The following CD2AP variants were observed in gnomAD, a reference collection of about 807,000 sequenced individuals.
The protein encoded by CD2AP is CD2-associated protein.
In CD2AP, 46 loss-of-function variants were observed where a neutral mutation model predicts 85.1. That is an observed-to-expected ratio of 0.54 (90% CI 0.43 to 0.69). The LOEUF is 0.69. CD2AP is among the 30% of genes least tolerant of loss of function. The pLI is 0.00. For synonymous variants in CD2AP, 255 were observed against 252.9 expected, an observed-to-expected ratio of 1.01 and a Z score of -0.08; for missense variants, 769 against 729.5, an observed-to-expected ratio of 1.05 and a Z score of -0.62.
intron 12 of CD2AP, among the ~76,000 whole-genome samples, chr6:47,598,563 T>C (rs1769014717): frequency 2.0e-5 from 3 of 150,998 alleles, no homozygotes; most frequent in Admixed American, 2.0e-4. Flanking sequence ...CATGGAATAC[T>C]ACTCAGCCGT....
intron 1 of CD2AP, among the ~76,000 whole-genome samples, chr6:47,482,396 TG>T (rs1339674926): frequency 2.0e-5 from 3 of 150,332 alleles, no homozygotes; most frequent in African/African-American, 7.3e-5. Flanking sequence ...TTTTTTTTTT[TG>T]AGATGGAGTC....
chr6:47,495,825 C>T (rs1210690597), intron 1 of CD2AP, among the ~76,000 whole-genome samples: 1 of 152,114 alleles, frequency 6.6e-6, no homozygotes, highest in Non-Finnish European at 1.5e-5. Flanking sequence ...CAATTTTTGG[C>T]GTTTTTATGC....
intron 1 of CD2AP, among the ~76,000 whole-genome samples, chr6:47,479,791 T>C (rs1362533942): frequency 6.6e-6 from 1 of 152,188 alleles, no homozygotes; most frequent in Admixed American, 6.5e-5. Context: ...CTAAATAATA[T>C]TTGTTCGCAT....
Position 47,517,003 on chromosome 6 carries a change from G to A in CD2AP, c.165+13563G>A, listed in dbSNP as rs144024088. Reference sequence around the variant, plus strand: ...TGTGATTCCTAATATGGGAGGTGGGGCCTGGTGGGAGGTGATTGACCCATG... The same window carrying A: ...TGTGATTCCTAATATGGGAGGTGGGACCTGGTGGGAGGTGATTGACCCATG... On this transcript the variant is annotated intron_variant, in intron 2 of 17. Coordinates refer to ENST00000359314, the MANE Select transcript of CD2AP (RefSeq NM_012120.3). Among the ~76,000 whole-genome samples the A allele has an allele frequency of 3.9e-5, 6 of 152,278 alleles. No homozygotes were observed. The East Asian group carries it at 1.2e-3, about 29-fold the overall frequency.
intron 1 of CD2AP, among the ~76,000 whole-genome samples, chr6:47,492,347 C>CATTTTTTTTTT (rs1554167732): frequency 1.0e-5 from 1 of 95,522 alleles, no homozygotes; most frequent in Non-Finnish European, 1.9e-5. Flanking sequence ...CACCTGTAAT[C>CATTTTTTTTTT]TTTTTTTTTT....
intron 2 of CD2AP, among the ~76,000 whole-genome samples, chr6:47,520,201 C>G (rs1766549753): frequency 6.6e-6 from 1 of 152,024 alleles, no homozygotes; most frequent in Non-Finnish European, 1.5e-5. Flanking sequence ...GGGGATAAAG[C>G]AGACATCTCT....
chr6:47,532,390 C>T (rs1295333744), intron 2 of CD2AP, among the ~76,000 whole-genome samples: 1 of 24,432 alleles, frequency 4.1e-5, no homozygotes, highest in African/African-American at 1.1e-4. Context: ...CACACACACA[C>T]ACACACACAC....
Position 47,595,919 on chromosome 6 carries a change from C to T in CD2AP, c.1167C>T (p.Pro389=), listed in dbSNP as rs201673149. The change falls in exon 12 of 18, where the codon CCC becomes CCT. Residue 389 remains proline (P), a synonymous_variant. Coordinates refer to ENST00000359314, the MANE Select transcript of CD2AP (RefSeq NM_012120.3). ...AACCAGCAGCTCCACAAGTCCCACC[C>T]AAGAAACCTACTCCACCTACCAAAG... is the stretch of plus-strand genomic sequence containing the variant. The part of the protein sequence containing the change: ...PSKPAAPQVP[P]KKPTPPTKAS... 2.5e-6 allele frequency: 4 copies of T among 1,612,626 alleles called. No homozygotes were observed. The highest frequency in any genetic ancestry group is 1.3e-5 in the African/African-American group (1 of 74,948).
chr6:47,578,222 A>G (rs1398155479), intron 8 of CD2AP, among the ~76,000 whole-genome samples: 1 of 152,166 alleles, frequency 6.6e-6, no homozygotes, highest in Non-Finnish European at 1.5e-5. Flanking sequence ...AAAATTAAAG[A>G]CAAGGTCTAG....
At chr6:47,514,416 A>AT (rs1012258013) in intron 2 of CD2AP, among the ~76,000 whole-genome samples, 4 of 152,216 alleles carry the variant, frequency 2.6e-5, no homozygotes, top group Non-Finnish European at 5.9e-5. Flanking sequence ...CTTAACTTCA[A>AT]TGTTTTAGAC....
At chr6:47,573,903 A>G (rs929906606) in intron 5 of CD2AP, among the ~76,000 whole-genome samples, 161 bp from the exon 6 acceptor site, 7 of 152,232 alleles carry the variant, frequency 4.6e-5, no homozygotes, top group Non-Finnish European at 1.0e-4. Context: ...TGTAAATTGC[A>G]TAAATTGCAT....
At chr6:47,523,369 A>G (rs1016152644) in intron 2 of CD2AP, among the ~76,000 whole-genome samples, 6 of 152,146 alleles carry the variant, frequency 3.9e-5, no homozygotes, top group Non-Finnish European at 7.4e-5. Context: ...TCATTTCACT[A>G]TCTACACATA....
chr6:47,478,581 C>T (rs887556680), intron 1 of CD2AP, among the ~76,000 whole-genome samples: 3 of 152,200 alleles, frequency 2.0e-5, no homozygotes, highest in African/African-American at 7.2e-5. Flanking sequence ...CCTTCCTTCC[C>T]TTCCTCATCC....
At position 47,554,651 on chromosome 6, in the gene CD2AP, A is replaced by G; in HGVS notation, c.426A>G (p.Glu142=). 4 of 1,613,732 alleles carry G rather than the reference A, an allele frequency of 2.5e-6. No homozygotes were observed. Among genetic ancestry groups the G allele is most frequent in the African/African-American group, 1.3e-5 (1 of 75,030 alleles). ...GDIIDINEEV[E]EGWWSGTLNN... ...TGAATTGTGAACTTTTTCAGGTAGA[A>G]GAAGGCTGGTGGAGTGGAACCCTGA... The change falls in exon 5 of 18, where the codon GAA becomes GAG. Residue 142 remains glutamate (E), a synonymous_variant. Coordinates refer to ENST00000359314, the MANE Select transcript of CD2AP (RefSeq NM_012120.3).
At chr6:47,556,936 C>T (rs939361456) in intron 5 of CD2AP, among the ~76,000 whole-genome samples, 10 of 152,238 alleles carry the variant, frequency 6.6e-5, no homozygotes, top group Non-Finnish European at 8.8e-5. Flanking sequence ...TTTACACTCC[C>T]GTGAACAGTG....
At chr6:47,595,726 C>G in intron 11 of CD2AP, 135 bp from the exon 12 acceptor site, 1 of 661,448 alleles carries the variant, frequency 1.5e-6, no homozygotes, top group Non-Finnish European at 2.7e-6. Flanking sequence ...AAACAGTGCA[C>G]ATGTATACAA....
intron 11 of CD2AP, among the ~76,000 whole-genome samples, chr6:47,590,800 C>G (rs189800397): frequency 5.3e-4 from 80 of 152,064 alleles, no homozygotes; most frequent in African/African-American, 1.7e-3. Flanking sequence ...CAATGTTTTT[C>G]AATTTTCTAA....
rs886061517 is a variant in CD2AP at position 47,478,236 on chromosome 6, G to GC, written c.-4dup. The GC allele has an allele frequency of 6.4e-7, 1 of 1,571,308 alleles. No homozygotes were observed. The highest frequency in any genetic ancestry group is 1.3e-5 in the African/African-American group (1 of 74,100). ...CGGACGTCGGCTTCTCCCCGCGGGA[G>GC]CCCCCAGCATGGGTAAGAGACTCGG... On this transcript the variant is annotated 5_prime_UTR_variant, in exon 1 of 18. Coordinates refer to ENST00000359314, the MANE Select transcript of CD2AP (RefSeq NM_012120.3).
intron 11 of CD2AP, among the ~76,000 whole-genome samples, chr6:47,589,559 C>CATAT (rs1460454313): frequency 1.8e-3 from 91 of 49,400 alleles, no homozygotes; most frequent in African/African-American, 5.5e-3. Context: ...TATACACACA[C>CATAT]ACACACATAT....
Sources: gnomAD v4.1 joint callset for allele counts (sites outside exome capture counted in the v4.1 genomes callset) on GRCh38, gnomAD v4.1.1 for gene constraint, MANE v1.5 for transcripts, NCBI Gene and HGNC (gene_info 2026-07-23, HGNC 2026-07-21) for gene names.